ADAMTS19: variants seen among roughly 807,000 people sequenced by gnomAD.
The protein encoded by ADAMTS19 is A disintegrin and metalloproteinase with thrombospondin motifs 19.
Under a neutral mutation model 153.3 loss-of-function variants are expected in ADAMTS19, and 93 were observed. The observed-to-expected ratio is 0.61, with a 90% confidence interval of 0.51 to 0.72. The LOEUF is 0.72. ADAMTS19 is among the 30% of genes least tolerant of loss of function. The pLI, the probability that ADAMTS19 is intolerant of heterozygous loss-of-function variation, is 0.00. For missense variants in ADAMTS19, 1,482 were observed against 1,552.1 expected (o/e 0.95, Z 0.76); for synonymous variants, 600 against 556.6 (o/e 1.08, Z -1.10).
intron 16 of ADAMTS19, among the ~76,000 whole-genome samples, chr5:129,674,674 T>C (rs570217741): frequency 6.6e-6 from 1 of 152,290 alleles, no homozygotes; most frequent in South Asian, 2.1e-4. Flanking sequence ...TAAAACAGTA[T>C]ACTCCTCTTT....
chr5:129,494,857 T>A (rs1750875844), intron 2 of ADAMTS19, among the ~76,000 whole-genome samples: 1 of 152,160 alleles, frequency 6.6e-6, no homozygotes, highest in African/African-American at 2.4e-5. Context: ...TTTATCTTGA[T>A]ACTGACCAGA....
intron 10 of ADAMTS19, among the ~76,000 whole-genome samples, chr5:129,624,220 G>C (rs1272587391): frequency 6.6e-6 from 1 of 151,298 alleles, no homozygotes; most frequent in Non-Finnish European, 1.5e-5. Context: ...AATTCCAAAG[G>C]GTTTACATGT....
chr5:129,731,273 T>G (rs1422179681), intron 21 of ADAMTS19, among the ~76,000 whole-genome samples: 2 of 151,982 alleles, frequency 1.3e-5, no homozygotes, highest in African/African-American at 2.4e-5. Flanking sequence ...TACAATTTTG[T>G]AAAAAGACAT....
intron 12 of ADAMTS19, 133 bp downstream of exon 12, chr5:129,648,028 C>A: frequency 1.1e-6 from 1 of 937,080 alleles, no homozygotes; most frequent in Non-Finnish European, 1.5e-6. Flanking sequence ...AAAAGTCCTT[C>A]AAATTATTTA....
At chr5:129,694,887 A>G in intron 19 of ADAMTS19, 32 bp downstream of exon 19, 2 of 1,484,726 alleles carry the variant, frequency 1.3e-6, no homozygotes, top group Non-Finnish European at 1.8e-6. Context: ...TTAAAGCATT[A>G]TTTGTCCATT....
intron 7 of ADAMTS19, among the ~76,000 whole-genome samples, chr5:129,554,654 T>G (rs1753251401): frequency 6.6e-6 from 1 of 152,104 alleles, no homozygotes; most frequent in South Asian, 2.1e-4. Context: ...CCTCCAACCC[T>G]GGAGCCCAGT....
chr5:129,595,889 G>A (rs1214145460), intron 7 of ADAMTS19, among the ~76,000 whole-genome samples: 1 of 151,780 alleles, frequency 6.6e-6, no homozygotes, highest in Non-Finnish European at 1.5e-5. Context: ...GAATATCAAG[G>A]AGTTTAAATA....
chr5:129,677,826 C>A (rs531298757), intron 16 of ADAMTS19, among the ~76,000 whole-genome samples: 1 of 151,972 alleles, frequency 6.6e-6, no homozygotes, highest in African/African-American at 2.4e-5. Flanking sequence ...TCCCCCCCAC[C>A]CCGCCAGACC....
intron 21 of ADAMTS19, among the ~76,000 whole-genome samples, chr5:129,710,774 G>A (rs1377025911): frequency 1.3e-5 from 2 of 152,138 alleles, no homozygotes; most frequent in African/African-American, 4.8e-5. Context: ...AAAACTCAGT[G>A]AGTCTTTGAA....
intron 2 of ADAMTS19, among the ~76,000 whole-genome samples, chr5:129,483,921 G>A (rs1172136150): frequency 2.6e-5 from 4 of 152,020 alleles, no homozygotes; most frequent in Non-Finnish European, 5.9e-5. Flanking sequence ...GGAGACACAG[G>A]GCTTGCGTTA....
intron 3 of ADAMTS19, among the ~76,000 whole-genome samples, chr5:129,514,251 G>C (rs1751527594): frequency 6.6e-6 from 1 of 152,058 alleles, no homozygotes; most frequent in African/African-American, 2.4e-5. Flanking sequence ...AACAAACATA[G>C]AAGTGCAGAT....
chr5:129,623,374 AC>A (rs1561609933), intron 10 of ADAMTS19, among the ~76,000 whole-genome samples: 1 of 151,986 alleles, frequency 6.6e-6, no homozygotes. Context: ...CCTCTTCCTA[AC>A]ACACACACAT....
At position 129,694,684 on chromosome 5, in the gene ADAMTS19, TATA is replaced by T. The variant is rs747972093; in HGVS notation, c.2819-29_2819-27del. 1.0e-4 allele frequency: 149 copies of T among 1,485,330 alleles called. 1 individual carries two copies. Among genetic ancestry groups the T allele is most frequent in the African/African-American group, 3.6e-4 (25 of 70,348 alleles). The allele number at this position is 1,485,330 out of a possible 1,614,324, so 92.0% of individuals were successfully genotyped here. The stretch of plus-strand genomic sequence containing the variant: ...CTCCTAAATCCATTACATAAAGGCT[TATA>T]ATAATATTTCTTTGTTTATTTGTTC... On this transcript the variant is annotated intron_variant, in intron 18 of 22. Transcript: ENST00000274487.
At chr5:129,719,037 AGT>A (rs1756855204) in intron 21 of ADAMTS19, among the ~76,000 whole-genome samples, 1 of 152,186 alleles carries the variant, frequency 6.6e-6, no homozygotes, top group Admixed American at 6.5e-5. Flanking sequence ...GTGCTGGCCA[AGT>A]GTGAGAATTA....
chr5:129,722,684 G>A (rs1757053836), intron 21 of ADAMTS19, among the ~76,000 whole-genome samples: 1 of 152,130 alleles, frequency 6.6e-6, no homozygotes, highest in African/African-American at 2.4e-5. Flanking sequence ...CCTATGTCCT[G>A]AATGATATTG....
At position 129,682,281 on chromosome 5, in the gene ADAMTS19, C is replaced by T. The variant is rs117683173; in HGVS notation, c.2665-1839C>T. 2.8e-4 allele frequency among the ~76,000 whole-genome samples: 43 copies of T among 152,300 alleles called. No homozygotes were observed. The East Asian group carries it at 7.5e-3, about 27-fold the overall frequency. On this transcript the variant is annotated intron_variant, in intron 17 of 22. Coordinates refer to ENST00000274487, the MANE Select transcript of ADAMTS19 (RefSeq NM_133638.6). ...GATATTTTTTCTTTAATGACTATTA[C>T]AGATTGAAGGACTGTACTGAATTTT...
At chr5:129,469,437 C>A (rs1749987888) in intron 2 of ADAMTS19, among the ~76,000 whole-genome samples, 1 of 151,994 alleles carries the variant, frequency 6.6e-6, no homozygotes, top group African/African-American at 2.4e-5. Context: ...AATCTTACAC[C>A]TTGTAGGAGA....
At chr5:129,542,891 A>C (rs1752703966) in intron 6 of ADAMTS19, among the ~76,000 whole-genome samples, 1 of 152,066 alleles carries the variant, frequency 6.6e-6, no homozygotes, top group Non-Finnish European at 1.5e-5. Flanking sequence ...GGGTCAGTAG[A>C]CTTTTAAGGA....
At chr5:129,693,572 A>G (rs1755429612) in intron 18 of ADAMTS19, among the ~76,000 whole-genome samples, 1 of 152,228 alleles carries the variant, frequency 6.6e-6, no homozygotes, top group Admixed American at 6.6e-5. Flanking sequence ...ATTATTAAAT[A>G]TTATACAGAT....
Sources: gnomAD v4.1 joint callset for allele counts (sites outside exome capture counted in the v4.1 genomes callset) on GRCh38, gnomAD v4.1.1 for gene constraint, MANE v1.5 for transcripts, NCBI Gene and HGNC (gene_info 2026-07-23, HGNC 2026-07-21) for gene names.